Variants in CCDC24 observed in about 807,000 individuals in gnomAD.
The protein encoded by CCDC24 is coiled-coil domain containing 24, also known as coiled-coil domain-containing protein 24.
Under a neutral mutation model 31.6 loss-of-function variants are expected in CCDC24, and 34 were observed. That is an observed-to-expected ratio of 1.08 (90% confidence interval 0.82 to 1.43). The LOEUF is 1.43. Among genes scored for constraint, CCDC24 ranks in the 40% most tolerant of loss-of-function variants. The pLI is 0.00. For synonymous variants in CCDC24, 175 were observed against 157.3 expected, an observed-to-expected ratio of 1.11 and a Z score of -0.84; for missense variants, 426 against 391.1, an observed-to-expected ratio of 1.09 and a Z score of -0.75.
At chr1:43,993,424 A>G (rs953330677) in intron 4 of CCDC24, among the ~76,000 whole-genome samples, 8 of 146,674 alleles carry the variant, frequency 5.5e-5, no homozygotes, top group African/African-American at 2.0e-4. Flanking sequence ...AACCTGGGTG[A>G]CAAAGACCCT....
chr1:43,996,312 A>T lies in CCDC24; in HGVS notation c.*152A>T. 1 of 680,546 alleles carries T rather than the reference A, an allele frequency of 1.5e-6. No individual in the cohort carries two copies. The highest frequency in any genetic ancestry group is 2.4e-6 in the Non-Finnish European group (1 of 418,626). 42.2% of individuals were successfully genotyped at this position (680,546 alleles called of 1,614,324 possible). ...TGTTGGTCTGTCTGGCCCTTGCCCCACCCCCTTGCCAGATCCCTGGTGTCT... is the reference window on the plus strand; with the variant it reads ...TGTTGGTCTGTCTGGCCCTTGCCCCTCCCCCTTGCCAGATCCCTGGTGTCT... On this transcript the variant is annotated 3_prime_UTR_variant, in exon 9 of 9. Transcript: ENST00000372318.
At position 43,995,095 on chromosome 1, in the gene CCDC24, C is replaced by T; in HGVS notation, c.498-13C>T. On this transcript the variant is annotated splice_polypyrimidine_tract_variant and intron_variant, in intron 5 of 8. Transcript: ENST00000372318. This position sits in a 1 kb window ranked among gnomAD's most constrained non-coding sequence, Gnocchi z 4.3. ...GTGTCTCGGGTTCTGGCTGCTGCTCCCTCATGTCCCAGGGGCCTTCTGGAG... is the reference window on the plus strand; with the variant it reads ...GTGTCTCGGGTTCTGGCTGCTGCTCTCTCATGTCCCAGGGGCCTTCTGGAG... 5 of 1,575,332 alleles carry T rather than the reference C, an allele frequency of 3.2e-6. No individual in the cohort carries two copies. The highest frequency in any genetic ancestry group is 4.3e-6 in the Non-Finnish European group (5 of 1,161,056).
chr1:43,992,246 G>C lies in CCDC24; in HGVS notation c.161G>C (p.Arg54Pro), dbSNP rs777116250. The C allele has an allele frequency of 1.2e-5, 20 of 1,613,594 alleles. No individual in the cohort carries two copies. The African/African-American group carries it at 2.1e-4, about 17-fold the overall frequency. Residue 54 changes from arginine (R) to proline (P), a missense_variant, in exon 3 of 9, where the codon CGA (arginine) becomes CCA (proline). Transcript: ENST00000372318. Reference sequence around the variant, plus strand: ...TTACGGGCACTGCTCCAAGAGGCTCGATCCTCTCAAGCCCCCAGCTCCCGC... The same window carrying C: ...TTACGGGCACTGCTCCAAGAGGCTCCATCCTCTCAAGCCCCCAGCTCCCGC... ...AMLRALLQEA[R>P]SSQAPSSRPI...
chr1:43,996,191 T>G lies in CCDC24; in HGVS notation c.*31T>G. 6.7e-7 allele frequency: 1 copy of G among 1,500,100 alleles called. No individual in the cohort carries two copies. 92.9% of individuals were successfully genotyped at this position (1,500,100 alleles called of 1,614,324 possible). ...TGGTCACCGAGTAGGCTCTGGCTTC[T>G]GCCACAGCGCACCTGTCTGCCGCTG... On this transcript the variant is annotated 3_prime_UTR_variant, in exon 9 of 9. Coordinates refer to ENST00000372318, the MANE Select transcript of CCDC24 (RefSeq NM_152499.4).
chr1:43,992,698 T>C (rs2085769433), intron 4 of CCDC24, 59 bp downstream of exon 4: 2 of 1,515,352 alleles, frequency 1.3e-6, no homozygotes, highest in Non-Finnish European at 1.8e-6. Flanking sequence ...CCTAGCCCAC[T>C]GGTGGGTTGC....
In CCDC24 at chr1:43,991,962, G is replaced by A. The variant is rs112723057; in HGVS notation, c.84G>A (p.Leu28=). The A allele has an allele frequency of 6.3e-5, 97 of 1,531,038 alleles. No homozygotes were observed. The African/African-American group carries it at 1.2e-3, about 18-fold the overall frequency. The allele number at this position is 1,531,038 out of a possible 1,614,324, so 94.8% of individuals were successfully genotyped here. Residue 28 remains leucine, a synonymous_variant, in exon 2 of 9, where the codon CTG becomes CTA. Coordinates refer to ENST00000372318, the MANE Select transcript of CCDC24 (RefSeq NM_152499.4). ...AGCGACGCGAAGTGAAGAGGATTCTGGGGGAGGCGGCGGTGGACCTGAGCC... is the reference window on the plus strand; with the variant it reads ...AGCGACGCGAAGTGAAGAGGATTCTAGGGGAGGCGGCGGTGGACCTGAGCC... ...LRERREVKRI[L]GEAAVDLSLE...
intron 4 of CCDC24, 109 bp from the exon 5 acceptor site, chr1:43,993,778 A>G (rs1007377144): frequency 3.0e-6 from 3 of 1,015,682 alleles, no homozygotes; most frequent in Admixed American, 3.9e-5. Flanking sequence ...TCTTTGCACT[A>G]TATTATATTG....
intron 5 of CCDC24, chr1:43,994,902 G>A: frequency 1.7e-6 from 1 of 593,402 alleles, no homozygotes; most frequent in Non-Finnish European, 3.0e-6. Context: ...GCAGGCGAGG[G>A]GAAGATACTT....
chr1:43,991,637 T>C lies in CCDC24; in HGVS notation c.-142T>C, dbSNP rs2085744875. ...GGGCCCTGGTTCCCACTGCCTGGTTTCTGGGCCCCCGGCATCCGAGTCGGC... is the reference window on the plus strand; with the variant it reads ...GGGCCCTGGTTCCCACTGCCTGGTTCCTGGGCCCCCGGCATCCGAGTCGGC... On this transcript the variant is annotated 5_prime_UTR_variant, in exon 1 of 9. Transcript: ENST00000372318. 1 of 708,528 alleles carries C rather than the reference T, an allele frequency of 1.4e-6. No homozygotes were observed. Among genetic ancestry groups the C allele is most frequent in the African/African-American group, 1.7e-5 (1 of 57,300 alleles). 43.9% of individuals were successfully genotyped at this position (708,528 alleles called of 1,614,324 possible).
chr1:43,995,751 A>G lies in CCDC24; in HGVS notation c.623-27A>G. 1 of 1,613,680 alleles carries G rather than the reference A, an allele frequency of 6.2e-7. No individual in the cohort carries two copies. Among genetic ancestry groups the G allele is most frequent in the Non-Finnish European group, 8.5e-7 (1 of 1,179,552 alleles). ...TGTACACACCCTAGAAGAGCTGGGCACTGTCTCAGCCCAATCTCTCCTTCA... is the reference window on the plus strand; with the variant it reads ...TGTACACACCCTAGAAGAGCTGGGCGCTGTCTCAGCCCAATCTCTCCTTCA... On this transcript the variant is annotated intron_variant, in intron 7 of 8. Transcript: ENST00000372318. The surrounding 1 kb of genome is among the most constrained non-coding windows in gnomAD (Gnocchi z 4.3).
At chr1:43,994,304 C>T (rs2085791816) in intron 5 of CCDC24, 2 of 319,476 alleles carry the variant, frequency 6.3e-6, no homozygotes, top group Admixed American at 4.2e-5. Flanking sequence ...CAAAAATTAG[C>T]TGGGCGTGGT....
In CCDC24 at chr1:43,994,445, T is replaced by TC. The variant is rs1553157944; in HGVS notation, c.497+481_497+482insC. 2.7e-3 allele frequency: 365 copies of TC among 134,516 alleles called. 1 individual carries two copies. Among genetic ancestry groups the TC allele is most frequent in the African/African-American group, 8.2e-3 (264 of 32,230 alleles). The allele number at this position is 134,516 out of a possible 1,614,324, so 8.3% of individuals were successfully genotyped here. A position where few individuals can be genotyped will look rare whatever the true frequency, so the allele number is the denominator to read the frequency against. Reference sequence around the variant, plus strand: ...CTGTTTCTTTCTTTCTTTCTTTCTTTTTTTTTTTTTTTTGAGATGGAGTCT... The same window carrying TC: ...CTGTTTCTTTCTTTCTTTCTTTCTTTCTTTTTTTTTTTTTGAGATGGAGTCT... On this transcript the variant is annotated intron_variant, in intron 5 of 8. Coordinates refer to ENST00000372318, the MANE Select transcript of CCDC24 (RefSeq NM_152499.4).
intron 4 of CCDC24, among the ~76,000 whole-genome samples, chr1:43,993,646 CAAAA>C (rs57838666): frequency 1.1e-4 from 7 of 62,488 alleles, no homozygotes; most frequent in East Asian, 9.6e-4. Flanking sequence ...AATCTTGTCT[CAAAA>C]AAAAAAAAAA....
Position 43,993,882 on chromosome 1 carries a change from GC to G in CCDC24, c.420-3del. ...TGCGGAGAGTGATAGTGACTTCATT[GC>G]CAGCAGCGGTCACAGAGATCTCAGC... On this transcript the variant is annotated splice_polypyrimidine_tract_variant and splice_region_variant and intron_variant, in intron 4 of 8. Coordinates refer to ENST00000372318, the MANE Select transcript of CCDC24 (RefSeq NM_152499.4). 6.2e-7 allele frequency: 1 copy of G among 1,614,112 alleles called. No homozygotes were observed. The highest frequency in any genetic ancestry group is 8.5e-7 in the Non-Finnish European group (1 of 1,179,962).
At position 43,995,546 on chromosome 1, in the gene CCDC24, C is replaced by T. The variant is rs1190488360; in HGVS notation, c.553-55C>T. On this transcript the variant is annotated intron_variant, in intron 6 of 8. Transcript: ENST00000372318. The surrounding 1 kb of genome is among the most constrained non-coding windows in gnomAD (Gnocchi z 4.3). ...CCCTGGGGATCTTGGCCTCTGTATC[C>T]TGCCTTGCCCCACCCCTGCCTTGAG... 3 of 1,513,710 alleles carry T rather than the reference C, an allele frequency of 2.0e-6. No homozygotes were observed. Among genetic ancestry groups the T allele is most frequent in the African/African-American group, 2.8e-5 (2 of 72,718 alleles). 93.8% of individuals were successfully genotyped at this position (1,513,710 alleles called of 1,614,324 possible).
chr1:43,992,041 C>T, intron 2 of CCDC24, 37 bp downstream of exon 2: 1 of 1,458,570 alleles, frequency 6.9e-7, no homozygotes, highest in Non-Finnish European at 9.1e-7. Context: ...CCCTGGCCTG[C>T]CCCACGACTC....
chr1:43,995,765 A>G lies in CCDC24; in HGVS notation c.623-13A>G, dbSNP rs554682667. On this transcript the variant is annotated splice_polypyrimidine_tract_variant and intron_variant, in intron 7 of 8. Coordinates refer to ENST00000372318, the MANE Select transcript of CCDC24 (RefSeq NM_152499.4). The surrounding 1 kb of genome is among the most constrained non-coding windows in gnomAD (Gnocchi z 4.3). ...AAGAGCTGGGCACTGTCTCAGCCCA[A>G]TCTCTCCTTCAGAGCTAAAGGAACA... is the stretch of plus-strand genomic sequence containing the variant. The G allele has an allele frequency of 1.2e-4, 191 of 1,614,194 alleles. No homozygotes were observed. Among genetic ancestry groups the G allele is most frequent in the Middle Eastern group, 8.2e-4 (5 of 6,062 alleles).
intron 4 of CCDC24, among the ~76,000 whole-genome samples, chr1:43,992,998 G>A (rs1026466417): frequency 6.6e-6 from 1 of 152,216 alleles, no homozygotes; most frequent in South Asian, 2.1e-4. Context: ...GCTGGGCTAG[G>A]GAGGCAGGGA....
chr1:43,993,296 TAGTC>T (rs1034030649), intron 4 of CCDC24, among the ~76,000 whole-genome samples: 45 of 112,608 alleles, frequency 4.0e-4, no homozygotes, highest in African/African-American at 1.1e-3. Context: ...AAAAAAAAAA[TAGTC>T]AGGTGAGGTG....
Sources: allele counts gnomAD v4.1 joint callset (sites outside exome capture counted in the v4.1 genomes callset), GRCh38; gene constraint gnomAD v4.1.1; non-coding constraint Gnocchi (gnomAD v3.1); transcripts MANE v1.5; gene names NCBI Gene and HGNC (gene_info 2026-07-23, HGNC 2026-07-21).